ELP4: variants seen among roughly 807,000 people sequenced by gnomAD.
The protein encoded by ELP4 is elongator acetyltransferase complex subunit 4.
A neutral mutation model predicts 48.9 loss-of-function variants in ELP4; 51 were observed. The ratio of observed to expected loss-of-function variants is 1.04; its 90% CI spans 0.83 to 1.32. The LOEUF (loss-of-function observed/expected upper bound fraction) is 1.32, where lower values mean the gene tolerates loss of function less well. Ranked by LOEUF, ELP4 falls within the 40% of genes most tolerant of loss-of-function variation. The pLI is 0.00. For missense variants in ELP4, 519 were observed against 514.6 expected, an observed-to-expected ratio of 1.01 and a Z score of -0.08; for synonymous variants, 210 against 189.2, an observed-to-expected ratio of 1.11 and a Z score of -0.90.
At chr11:31,766,449 A>T (rs1948043089) in intron 9 of ELP4, among the ~76,000 whole-genome samples, 2 of 152,214 alleles carry the variant, frequency 1.3e-5, no homozygotes, top group South Asian at 4.1e-4. Context: ...GAATTGACAT[A>T]AGTTTGGAAA....
At chr11:31,691,434 TC>T (rs1946279075) in intron 9 of ELP4, among the ~76,000 whole-genome samples, 1 of 152,122 alleles carries the variant, frequency 6.6e-6, no homozygotes, top group East Asian at 1.9e-4. Flanking sequence ...AAATTATGCT[TC>T]ATTCAGCTTC....
chr11:31,644,366 G>A (rs533590501), intron 7 of ELP4, among the ~76,000 whole-genome samples: 5 of 151,700 alleles, frequency 3.3e-5, no homozygotes, highest in Non-Finnish European at 7.4e-5. Flanking sequence ...AGTAATTGAC[G>A]TACAAATGCC....
At position 31,614,724 on chromosome 11, in the gene ELP4, A is replaced by T. The variant is rs555713467; in HGVS notation, c.653+10817A>T. Among the ~76,000 whole-genome samples, 6 of 152,310 alleles carry T rather than the reference A, an allele frequency of 3.9e-5. No homozygotes were observed. The East Asian group carries it at 1.2e-3, about 29-fold the overall frequency. ...ATGAGAACTCAGCAATATTTCTGTG[A>T]TATTTCCACCAAAAATTAATAATTC... On this transcript the variant is annotated intron_variant, in intron 5 of 9. Transcript: ENST00000640961.
At chr11:31,642,297 A>G (rs892666835) in intron 7 of ELP4, among the ~76,000 whole-genome samples, 1 of 151,972 alleles carries the variant, frequency 6.6e-6, no homozygotes, top group Admixed American at 6.6e-5. Flanking sequence ...TAAATATAAT[A>G]TAAACAATAT....
At chr11:31,546,162 A>G (rs1047698921) in intron 3 of ELP4, among the ~76,000 whole-genome samples, 1 of 152,112 alleles carries the variant, frequency 6.6e-6, no homozygotes, top group Non-Finnish European at 1.5e-5. Flanking sequence ...AATGGACTAA[A>G]TGCTCCAATT....
intron 3 of ELP4, among the ~76,000 whole-genome samples, chr11:31,567,787 A>G (rs1391610913): frequency 5.3e-5 from 8 of 152,224 alleles, no homozygotes; most frequent in Non-Finnish European, 8.8e-5. Context: ...TTATGACTAA[A>G]AAATAAATAA....
At chr11:31,674,629 C>T (rs1464634231) in intron 9 of ELP4, among the ~76,000 whole-genome samples, 4 of 152,084 alleles carry the variant, frequency 2.6e-5, no homozygotes, top group East Asian at 1.9e-4. Flanking sequence ...TAGTTTGACC[C>T]GCCAACCATT....
intron 9 of ELP4, among the ~76,000 whole-genome samples, chr11:31,691,950 A>G (rs550129983): frequency 6.6e-6 from 1 of 152,330 alleles, no homozygotes; most frequent in East Asian, 1.9e-4. Context: ...TAAAGAACTC[A>G]TAGATTTGGC....
intron 9 of ELP4, among the ~76,000 whole-genome samples, chr11:31,688,869 G>A (rs755322926): frequency 2.6e-5 from 4 of 152,070 alleles, no homozygotes; most frequent in Admixed American, 6.5e-5. Context: ...AGGATTTGAG[G>A]GGGGAAAATC....
At chr11:31,694,481 G>A (rs1193280140) in intron 9 of ELP4, among the ~76,000 whole-genome samples, 2 of 151,876 alleles carry the variant, frequency 1.3e-5, no homozygotes, top group African/African-American at 4.8e-5. Flanking sequence ...GTTGATGTGT[G>A]GTATTATTTC....
intron 5 of ELP4, among the ~76,000 whole-genome samples, chr11:31,604,307 T>G (rs180995688): frequency 2.0e-3 from 304 of 151,960 alleles, no homozygotes; most frequent in African/African-American, 7.0e-3. Context: ...TTGCTTAATT[T>G]AATTTTTTGG....
intron 7 of ELP4, among the ~76,000 whole-genome samples, chr11:31,637,010 G>A (rs1407727954): frequency 6.6e-6 from 1 of 151,896 alleles, no homozygotes; most frequent in Non-Finnish European, 1.5e-5. Context: ...CTAAAAATGT[G>A]TGTGAAAATG....
chr11:31,783,485 T>C lies in ELP4; in HGVS notation c.1236T>C (p.Cys412=). The part of the protein sequence containing the change: ...AESAKRLGPG[C]GMMAGGKKHL... ...CCGCCAAGCGGCTGGGCCCAGGCTGTGGCATGATGGCCGGAGGCAAGAAGC... is the reference window on the plus strand; with the variant it reads ...CCGCCAAGCGGCTGGGCCCAGGCTGCGGCATGATGGCCGGAGGCAAGAAGC... The change falls in exon 10 of 10, where the codon TGT becomes TGC. Residue 412 remains cysteine, a synonymous_variant. Coordinates refer to ENST00000640961, the MANE Select transcript of ELP4 (RefSeq NM_019040.5). 1.2e-6 allele frequency: 2 copies of C among 1,614,142 alleles called. 1 individual carries two copies. Among genetic ancestry groups the C allele is most frequent in the East Asian group, 4.5e-5 (2 of 44,884 alleles).
chr11:31,754,131 CCAT>C (rs958363682), intron 9 of ELP4, among the ~76,000 whole-genome samples: 7 of 152,118 alleles, frequency 4.6e-5, no homozygotes, highest in African/African-American at 1.7e-4. Context: ...AGCCTAATCC[CCAT>C]CATATCTTGC....
intron 3 of ELP4, among the ~76,000 whole-genome samples, chr11:31,570,907 G>T (rs897982140): frequency 1.6e-4 from 22 of 137,166 alleles, no homozygotes; most frequent in African/African-American, 5.8e-4. Flanking sequence ...TCAAGCGATT[G>T]TTCTGCCTCA....
intron 1 of ELP4, chr11:31,512,100 A>G (rs964823942): frequency 6.6e-6 from 1 of 152,200 alleles, no homozygotes; most frequent in Admixed American, 6.5e-5. Context: ...TTTCTGTATA[A>G]GCAGTTTAGA....
chr11:31,688,581 A>C (rs1033523925), intron 9 of ELP4, among the ~76,000 whole-genome samples: 1 of 152,204 alleles, frequency 6.6e-6, no homozygotes, highest in African/African-American at 2.4e-5. Flanking sequence ...GATTTCATGT[A>C]GTAAATAGAA....
chr11:31,790,115 A>AC lies in ELP4; in HGVS notation c.*6591_*6592insC, dbSNP rs1565183795. 4.4e-5 allele frequency: 35 copies of AC among 791,912 alleles called. No homozygotes were observed. In the African/African-American group the frequency reaches 6.0e-4, roughly 14 times the overall value. The allele number at this position is 791,912 out of a possible 1,614,324, so 49.1% of individuals were successfully genotyped here. On this transcript the variant is annotated 3_prime_UTR_variant, in exon 10 of 10. Transcript: ENST00000640961. ...AGGTTTACAAAAAAAAAAAAAAAAA[A>AC]AAAAACTAATACTTTCTAACATTTT...
chr11:31,544,073 G>A (rs947153294), intron 3 of ELP4, among the ~76,000 whole-genome samples: 5 of 152,332 alleles, frequency 3.3e-5, no homozygotes, highest in South Asian at 2.1e-4. Flanking sequence ...CGTGAGCGAC[G>A]CAGAAGACGG....
Sources: gnomAD v4.1 joint callset for allele counts (sites outside exome capture counted in the v4.1 genomes callset) on GRCh38, gnomAD v4.1.1 for gene constraint, MANE v1.5 for transcripts, NCBI Gene and HGNC (gene_info 2026-07-23, HGNC 2026-07-21) for gene names.